Variants in SUMF1 observed in about 807,000 individuals in gnomAD.
SUMF1 encodes formylglycine-generating enzyme.
In SUMF1, 48 loss-of-function variants were observed where a neutral mutation model predicts 47.6. The ratio of observed to expected loss-of-function variants is 1.01; its 90% CI spans 0.80 to 1.28. The LOEUF (loss-of-function observed/expected upper bound fraction) is 1.28. SUMF1 is among the 50% of genes most tolerant of loss of function. The pLI, the probability that SUMF1 is intolerant of heterozygous loss-of-function variation, is 0.00. For missense variants in SUMF1, 571 were observed against 485.4 expected (o/e 1.18, Z -1.66); for synonymous variants, 230 against 192.1 (o/e 1.20, Z -1.63).
intron 7 of SUMF1, among the ~76,000 whole-genome samples, chr3:4,399,125 G>C (rs1221158650): frequency 1.3e-5 from 2 of 152,140 alleles, no homozygotes; most frequent in Admixed American, 6.5e-5. Flanking sequence ...AAACGCATGC[G>C]TGAACACTTC....
intron 8 of SUMF1, among the ~76,000 whole-genome samples, chr3:4,202,933 G>T (rs913676153): frequency 6.6e-6 from 1 of 151,692 alleles, no homozygotes; most frequent in African/African-American, 2.4e-5. Flanking sequence ...TTGTGGTCAG[G>T]AAAGATACTT....
intron 8 of SUMF1, among the ~76,000 whole-genome samples, chr3:4,166,008 C>T (rs1025305889): frequency 6.6e-6 from 1 of 152,056 alleles, no homozygotes. Flanking sequence ...TAGTTGAGCT[C>T]ACCAATGCAG....
At chr3:4,166,987 T>C (rs189779812) in intron 8 of SUMF1, among the ~76,000 whole-genome samples, 1 of 152,052 alleles carries the variant, frequency 6.6e-6, no homozygotes, top group Admixed American at 6.5e-5. Context: ...ATGTTTAGCC[T>C]CCGAATTCTA....
intron 8 of SUMF1, among the ~76,000 whole-genome samples, chr3:4,189,513 CAA>C (rs1695270971): frequency 6.6e-6 from 1 of 152,050 alleles, no homozygotes; most frequent in Non-Finnish European, 1.5e-5. Flanking sequence ...GATACCTGAA[CAA>C]GATCATGCTT....
chr3:4,423,616 T>C (rs1296207428), intron 3 of SUMF1, among the ~76,000 whole-genome samples: 1 of 152,234 alleles, frequency 6.6e-6, no homozygotes. Context: ...AGACAATTGG[T>C]ATATTAAATA....
chr3:4,292,660 A>G (rs1697763355), intron 8 of SUMF1, among the ~76,000 whole-genome samples: 1 of 152,218 alleles, frequency 6.6e-6, no homozygotes, highest in African/African-American at 2.4e-5. Flanking sequence ...TGCCAGAGCA[A>G]AGGTAAAATT....
intron 8 of SUMF1, among the ~76,000 whole-genome samples, chr3:4,184,856 G>A (rs1158520432): frequency 6.6e-6 from 1 of 151,876 alleles, no homozygotes; most frequent in Non-Finnish European, 1.5e-5. Flanking sequence ...TGCCTTGTTG[G>A]CCAGGCTGGT....
intron 3 of SUMF1, among the ~76,000 whole-genome samples, chr3:4,446,085 T>C (rs1702770694): frequency 6.6e-6 from 1 of 152,244 alleles, no homozygotes; most frequent in East Asian, 1.9e-4. Context: ...TAAGAAATAG[T>C]AGATGATGGA....
intron 7 of SUMF1, among the ~76,000 whole-genome samples, chr3:4,393,176 G>C (rs886127202): frequency 3.9e-5 from 6 of 152,150 alleles, no homozygotes; most frequent in African/African-American, 1.2e-4. Flanking sequence ...CCGTGGGCTA[G>C]TCATGCTGCA....
chr3:4,294,516 G>A (rs940499136), intron 8 of SUMF1, among the ~76,000 whole-genome samples: 1 of 152,124 alleles, frequency 6.6e-6, no homozygotes, highest in African/African-American at 2.4e-5. Context: ...GTGAGCCTCT[G>A]AGGTACAATG....
At chr3:4,136,699 A>G (rs1397422433) in intron 8 of SUMF1, among the ~76,000 whole-genome samples, 1 of 148,680 alleles carries the variant, frequency 6.7e-6, no homozygotes, top group East Asian at 2.0e-4. Context: ...ACAACATGGG[A>G]GAAAATTTTT....
At chr3:4,092,117 A>G (rs1012079611) in intron 8 of SUMF1, among the ~76,000 whole-genome samples, 8 of 152,028 alleles carry the variant, frequency 5.3e-5, no homozygotes, top group Non-Finnish European at 1.0e-4. Flanking sequence ...TCAACAATCA[A>G]TTCTTTAGTC....
At chr3:4,295,399 A>G (rs146754619) in intron 8 of SUMF1, among the ~76,000 whole-genome samples, 260 of 152,012 alleles carry the variant, frequency 1.7e-3, no homozygotes, top group Non-Finnish European at 3.0e-3. Flanking sequence ...ACGCTTGTGG[A>G]ACTAAACTTC....
intron 3 of SUMF1, among the ~76,000 whole-genome samples, chr3:4,420,673 G>C (rs1380821669): frequency 2.0e-5 from 3 of 152,136 alleles, no homozygotes; most frequent in Non-Finnish European, 4.4e-5. Flanking sequence ...TGGGATTACA[G>C]GAGTGAGCCA....
chr3:4,231,331 C>A (rs1696294502), intron 8 of SUMF1, among the ~76,000 whole-genome samples: 1 of 152,060 alleles, frequency 6.6e-6, no homozygotes, highest in Non-Finnish European at 1.5e-5. Context: ...AATGATTTTT[C>A]AGGCCCATTT....
chr3:4,220,560 C>G (rs1224219915), intron 8 of SUMF1, among the ~76,000 whole-genome samples: 1 of 152,042 alleles, frequency 6.6e-6, no homozygotes, highest in Admixed American at 6.6e-5. Context: ...CCATCTCTCT[C>G]TCCCTCCCTC....
intron 8 of SUMF1, among the ~76,000 whole-genome samples, chr3:4,175,684 G>A (rs1183830474): frequency 6.6e-6 from 1 of 152,182 alleles, no homozygotes; most frequent in African/African-American, 2.4e-5. Flanking sequence ...GACAGAGAAT[G>A]ACTTTGACAG....
intron 8 of SUMF1, among the ~76,000 whole-genome samples, chr3:4,148,527 A>G (rs1328396133): frequency 6.6e-6 from 1 of 152,126 alleles, no homozygotes; most frequent in Non-Finnish European, 1.5e-5. Context: ...TATCCCTCCC[A>G]CACAAAAGGG....
At chr3:4,456,865 T>TATATATACAC (rs1356002726) in intron 1 of SUMF1, among the ~76,000 whole-genome samples, 1 of 130,002 alleles carries the variant, frequency 7.7e-6, no homozygotes, top group East Asian at 2.4e-4. Context: ...TATATATGTG[T>TATATATACAC]GTGTATATCT....
Sources: gnomAD v4.1 joint callset for allele counts (sites outside exome capture counted in the v4.1 genomes callset) on GRCh38, gnomAD v4.1.1 for gene constraint, MANE v1.5 for transcripts, NCBI Gene and HGNC (gene_info 2026-07-23, HGNC 2026-07-21) for gene names.